RP1: variants seen among roughly 807,000 people sequenced by gnomAD.
The protein encoded by RP1 is RP1 axonemal microtubule associated, also known as oxygen-regulated protein 1.
RP1 carries 16 observed loss-of-function variants against 14.8 expected under a neutral mutation model. The ratio of observed to expected loss-of-function variants is 1.08; its 90% CI spans 0.73 to 1.65. The LOEUF is 1.65. Ranked by LOEUF, RP1 falls within the 40% of genes most tolerant of loss-of-function variation. The pLI is 0.00. For synonymous variants in RP1, 876 were observed against 883.6 expected, an observed-to-expected ratio of 0.99 and a Z score of 0.15; for missense variants, 2,631 against 2,535.0, an observed-to-expected ratio of 1.04 and a Z score of -0.81.
intron 7 of RP1, among the ~76,000 whole-genome samples, chr8:54,667,423 A>G (rs1807043762): frequency 6.6e-6 from 1 of 152,166 alleles, no homozygotes; most frequent in African/African-American, 2.4e-5. Flanking sequence ...CTGGAAAAAC[A>G]GAGGCCAGCC....
At chr8:54,641,788 CAT>C (rs926191145) in intron 3 of RP1, among the ~76,000 whole-genome samples, 3 of 152,138 alleles carry the variant, frequency 2.0e-5, no homozygotes, top group Non-Finnish European at 4.4e-5. Context: ...GTGCTTAACA[CAT>C]GTTGTCTGAT....
chr8:54,851,174 T>C (rs1226140180), intron 25 of RP1, among the ~76,000 whole-genome samples: 1 of 152,192 alleles, frequency 6.6e-6, no homozygotes, highest in Non-Finnish European at 1.5e-5. Flanking sequence ...TCTGAGGCCA[T>C]GTGCAGGTTA....
In RP1 at chr8:54,850,752, G is replaced by T. The variant is rs145945224; in HGVS notation, c.3836-1822G>T. On this transcript the variant is annotated intron_variant, in intron 25 of 28. Transcript: ENST00000637698. ...AAAGTCTGAAATAATTTATTGTTAT[G>T]AATTTAGCATTAAAAAAGAATTTAC... Among the ~76,000 whole-genome samples the T allele has an allele frequency of 5.7e-3, 863 of 152,320 alleles. 8 individuals are homozygous for T. Among genetic ancestry groups the T allele is most frequent in the African/African-American group, 0.019 (793 of 41,574 alleles).
intron 12 of RP1, among the ~76,000 whole-genome samples, chr8:54,681,269 G>A (rs1203172968): frequency 6.6e-6 from 1 of 151,974 alleles, no homozygotes; most frequent in Non-Finnish European, 1.5e-5. Flanking sequence ...TAGGAAACAC[G>A]AGACCACTGG....
chr8:54,815,639 T>C (rs554737241), intron 24 of RP1, among the ~76,000 whole-genome samples: 1 of 152,294 alleles, frequency 6.6e-6, no homozygotes, highest in East Asian at 1.9e-4. Flanking sequence ...CATCAGAAGC[T>C]TCTTTCCAAC....
intron 19 of RP1, among the ~76,000 whole-genome samples, chr8:54,740,073 T>G (rs1272959718): frequency 4.0e-5 from 6 of 148,894 alleles, no homozygotes; most frequent in Non-Finnish European, 5.9e-5. Flanking sequence ...AAAAATATAT[T>G]TTATATATAT....
chr8:54,807,931 G>A (rs1810897861), intron 24 of RP1, among the ~76,000 whole-genome samples: 1 of 151,416 alleles, frequency 6.6e-6, no homozygotes, highest in South Asian at 2.1e-4. Flanking sequence ...CATTATGGAA[G>A]GCAATCTGCT....
intron 1 of RP1, among the ~76,000 whole-genome samples, chr8:54,594,904 G>A (rs1805105776): frequency 6.6e-6 from 1 of 152,096 alleles, no homozygotes; most frequent in African/African-American, 2.4e-5. Flanking sequence ...TGTGATGATA[G>A]CATATAGTGG....
chr8:54,767,777 A>G (rs1809796501), intron 22 of RP1, among the ~76,000 whole-genome samples: 1 of 152,244 alleles, frequency 6.6e-6, no homozygotes, highest in Non-Finnish European at 1.5e-5. Context: ...AAACATAACT[A>G]ATAAAGTAAG....
upstream of RP1, among the ~76,000 whole-genome samples, chr8:54,614,019 A>G (rs749003955): frequency 6.6e-6 from 1 of 152,250 alleles, no homozygotes; most frequent in Non-Finnish European, 1.5e-5. Flanking sequence ...ACATTCAGAC[A>G]CTGTGTCAAA....
At chr8:54,678,684 A>G in intron 9 of RP1, 1 of 594,976 alleles carries the variant, frequency 1.7e-6, no homozygotes, top group Non-Finnish European at 2.9e-6. Context: ...GTGGCTCTTT[A>G]TGCTATTGAG....
intron 12 of RP1, among the ~76,000 whole-genome samples, chr8:54,682,556 G>C (rs1807460020): frequency 6.6e-6 from 1 of 152,118 alleles, no homozygotes. Flanking sequence ...CAAAGACATT[G>C]ACTTTTTAAT....
intron 1 of RP1, among the ~76,000 whole-genome samples, chr8:54,607,291 G>T (rs1284163044): frequency 6.6e-6 from 1 of 152,196 alleles, no homozygotes; most frequent in African/African-American, 2.4e-5. Flanking sequence ...AGGTCTGTTG[G>T]AGTTTCCTGG....
intron 24 of RP1, among the ~76,000 whole-genome samples, chr8:54,825,906 C>CA (rs60097707): frequency 0.031 from 4,460 of 145,526 alleles, 210 homozygotes; most frequent in African/African-American, 0.1. Context: ...CCTGTCTCCA[C>CA]AAAAAAAAAA....
intron 1 of RP1, among the ~76,000 whole-genome samples, chr8:54,578,104 C>G (rs906088272): frequency 1.3e-5 from 2 of 152,104 alleles, no homozygotes; most frequent in Non-Finnish European, 2.9e-5. Flanking sequence ...CCTCCTCCCC[C>G]GACCCCACAA....
chr8:54,837,102 A>C (rs2129403020), intron 24 of RP1, among the ~76,000 whole-genome samples: 1 of 152,200 alleles, frequency 6.6e-6, no homozygotes, highest in South Asian at 2.1e-4. Flanking sequence ...AATCTTAATA[A>C]CACCAGAGCA....
At chr8:54,584,711 A>T (rs1804877885) in intron 1 of RP1, among the ~76,000 whole-genome samples, 1 of 152,090 alleles carries the variant, frequency 6.6e-6, no homozygotes, top group African/African-American at 2.4e-5. Context: ...TATATTTAGG[A>T]TAGTTAGCTT....
chr8:54,624,532 A>T (rs972370355), intron 3 of RP1, 138 bp from the exon 4 acceptor site: 1 of 791,978 alleles, frequency 1.3e-6, no homozygotes, highest in African/African-American at 1.7e-5. Flanking sequence ...AAATACAGAA[A>T]ATATGCTACT....
intron 19 of RP1, among the ~76,000 whole-genome samples, chr8:54,744,547 C>T (rs556670334): frequency 1.3e-5 from 2 of 152,210 alleles, no homozygotes; most frequent in Admixed American, 1.3e-4. Context: ...AGCCGTTTGA[C>T]CTTGTTTAGG....
Sources: allele counts gnomAD v4.1 joint callset (sites outside exome capture counted in the v4.1 genomes callset), GRCh38; gene constraint gnomAD v4.1.1; transcripts MANE v1.5; gene names NCBI Gene and HGNC (gene_info 2026-07-23, HGNC 2026-07-21).